The following HERC4 variants were observed in gnomAD, a reference collection of about 807,000 sequenced individuals.
HERC4 encodes the protein HECT and RLD domain containing E3 ubiquitin protein ligase 4, also known as probable E3 ubiquitin-protein ligase HERC4.
HERC4 carries 28 observed loss-of-function variants against 124.3 expected under a neutral mutation model. The observed-to-expected ratio is 0.23, with a 90% CI of 0.17 to 0.31. The LOEUF (loss-of-function observed/expected upper bound fraction) is 0.31. Ranked by LOEUF, HERC4 falls within the 10% of genes least tolerant of loss-of-function variation. The pLI, the probability that HERC4 is intolerant of heterozygous loss-of-function variation, is 1.00. For missense variants in HERC4, 713 were observed against 1,229.3 expected (o/e 0.58, Z 6.28); for synonymous variants, 407 against 421.5 (o/e 0.97, Z 0.42).
intron 21 of HERC4, 148 bp downstream of exon 21, chr10:67,939,440 T>C (rs918288006): frequency 1.6e-5 from 9 of 565,314 alleles, no homozygotes; most frequent in Non-Finnish European, 2.5e-5. Flanking sequence ...GTACTATGAC[T>C]AGCTAGCATG....
intron 5 of HERC4, among the ~76,000 whole-genome samples, chr10:68,037,739 T>C (rs771986691): frequency 6.6e-6 from 1 of 152,088 alleles, no homozygotes; most frequent in Non-Finnish European, 1.5e-5. Flanking sequence ...TAATCGAAGG[T>C]GTATAAGACC....
intron 16 of HERC4, among the ~76,000 whole-genome samples, chr10:67,959,976 G>T (rs1277365878): frequency 6.6e-6 from 1 of 152,182 alleles, no homozygotes; most frequent in African/African-American, 2.4e-5. Context: ...CATTGCCCTG[G>T]GTTACTAGGA....
At chr10:68,052,701 A>G (rs1034687084) in intron 3 of HERC4, among the ~76,000 whole-genome samples, 1 of 152,212 alleles carries the variant, frequency 6.6e-6, no homozygotes, top group African/African-American at 2.4e-5. Context: ...AAATTCATAT[A>G]GAGTATCATC....
rs1564606915 is a variant in HERC4, at chr10:68,059,484, T to TTATA, written c.226+13398_226+13399insTATA. ...AATAATATTATATATTATAATATTA[T>TTATA]ATATTATAACATTATATATTATAAT... is the stretch of plus-strand genomic sequence containing the variant. On this transcript the variant is annotated intron_variant, in intron 3 of 24. Coordinates refer to ENST00000373700, the MANE Select transcript of HERC4 (RefSeq NM_015601.4). Among the ~76,000 whole-genome samples the TTATA allele has an allele frequency of 3.9e-5, 5 of 128,746 alleles. No individual in the cohort carries two copies. In the East Asian group the frequency reaches 6.4e-4, roughly 16 times the overall value. 84.5% of individuals were successfully genotyped at this position (128,746 alleles called of 152,430 possible).
rs140022071 is a variant in HERC4, at chr10:68,028,998, C to A, written c.778-3322G>T. 2.6e-3 allele frequency among the ~76,000 whole-genome samples: 393 copies of A among 151,950 alleles called. 2 individuals are homozygous for A. Among genetic ancestry groups the A allele is most frequent in the African/African-American group, 9.1e-3 (375 of 41,432 alleles). ...CCAGCCTAGGCAATAAAGCGAGACA[C>A]CATCTCTACAAAAAATAAAAAATAA... is the stretch of plus-strand genomic sequence containing the variant. On this transcript the variant is annotated intron_variant, in intron 7 of 24. Transcript: ENST00000373700.
chr10:67,967,055 C>T (rs575315992), intron 15 of HERC4, among the ~76,000 whole-genome samples: 125 of 152,260 alleles, frequency 8.2e-4, no homozygotes, highest in Non-Finnish European at 1.4e-3. Flanking sequence ...GGAGTTTCAT[C>T]GTGTTAGCCA....
chr10:67,986,140 A>T (rs2132701795), intron 15 of HERC4, among the ~76,000 whole-genome samples: 1 of 152,312 alleles, frequency 6.6e-6, no homozygotes, highest in Non-Finnish European at 1.5e-5. Context: ...GCATAGAAGA[A>T]AGATAATTCA....
chr10:68,034,033 G>T lies in HERC4; in HGVS notation c.617C>A (p.Thr206Asn). 1.2e-6 allele frequency: 2 copies of T among 1,614,094 alleles called. No individual in the cohort carries two copies. The highest frequency in any genetic ancestry group is 1.1e-5 in the South Asian group (1 of 91,076). Residue 206 changes from threonine (T) to asparagine (N), a missense_variant, in exon 6 of 25, where the codon ACC (threonine) becomes AAC (asparagine). Thr to Asn is a moderately conservative substitution (Grantham distance 65, BLOSUM62 0). Coordinates refer to ENST00000373700, the MANE Select transcript of HERC4 (RefSeq NM_015601.4). ...CCATCCAAAGATAGCTCCAGAAAGG[G>T]TGAGTACAAAACTATGGGCTCCTCC... ...AAGGAHSFVL[T>N]LSGAIFGWGR... is the part of the protein sequence containing the mutation.
intron 3 of HERC4, among the ~76,000 whole-genome samples, chr10:68,061,532 CAAAAAAAAAAAAAAAA>C (rs59169970): frequency 1.4e-4 from 2 of 14,000 alleles, no homozygotes; most frequent in African/African-American, 2.6e-4. Flanking sequence ...GACTCCGTCT[CAAAAAAAAAAAAAAAA>C]AAAAAAAAAA....
At chr10:68,067,153 C>A (rs1314315945) in intron 3 of HERC4, 2 of 152,586 alleles carry the variant, frequency 1.3e-5, no homozygotes, top group South Asian at 2.1e-4. Flanking sequence ...AATTGTGTCA[C>A]AAGCATTTTG....
intron 8 of HERC4, among the ~76,000 whole-genome samples, chr10:68,020,164 A>G (rs566227178): frequency 6.6e-6 from 1 of 152,286 alleles, no homozygotes; most frequent in African/African-American, 2.4e-5. Context: ...AAAACCTACA[A>G]TGATCAAAAA....
At chr10:67,982,706 T>C (rs1484964611) in intron 15 of HERC4, among the ~76,000 whole-genome samples, 2 of 152,058 alleles carry the variant, frequency 1.3e-5, no homozygotes, top group African/African-American at 4.8e-5. Context: ...AAACTAATCA[T>C]CTGACAAGGG....
At chr10:68,042,133 A>G (rs2039801128) in intron 4 of HERC4, among the ~76,000 whole-genome samples, 1 of 152,170 alleles carries the variant, frequency 6.6e-6, no homozygotes, top group South Asian at 2.1e-4. Flanking sequence ...TCTCTGCCTC[A>G]GCCTCCTGAG....
intron 3 of HERC4, chr10:68,069,232 T>A (rs951532692): frequency 2.8e-5 from 27 of 955,902 alleles, no homozygotes; most frequent in Non-Finnish European, 3.2e-5. Context: ...AACAATTCAT[T>A]TAAATGGATT....
At chr10:68,054,811 T>C (rs1361694345) in intron 3 of HERC4, among the ~76,000 whole-genome samples, 1 of 152,158 alleles carries the variant, frequency 6.6e-6, no homozygotes, top group Non-Finnish European at 1.5e-5. Flanking sequence ...CAAAGGCTAC[T>C]TCACTCAAGG....
chr10:67,954,568 A>C, intron 19 of HERC4, 27 bp downstream of exon 19: 1 of 1,601,506 alleles, frequency 6.2e-7, no homozygotes, highest in Non-Finnish European at 8.5e-7. Flanking sequence ...TATACACAGA[A>C]GTAATTTAGA....
chr10:67,926,847 T>C (rs1227682671), intron 23 of HERC4, among the ~76,000 whole-genome samples: 1 of 152,246 alleles, frequency 6.6e-6, no homozygotes, highest in Non-Finnish European at 1.5e-5. Context: ...TCTTTTTCAC[T>C]GTATTAATTA....
chr10:67,929,499 T>C (rs1430307576), intron 23 of HERC4, among the ~76,000 whole-genome samples: 1 of 152,116 alleles, frequency 6.6e-6, no homozygotes, highest in African/African-American at 2.4e-5. Flanking sequence ...CTCAGATTCA[T>C]CCAGTTGTTG....
chr10:67,952,345 G>A (rs768561810), intron 19 of HERC4, among the ~76,000 whole-genome samples: 1 of 151,988 alleles, frequency 6.6e-6, no homozygotes, highest in Non-Finnish European at 1.5e-5. Context: ...GTGCAGTGGC[G>A]CGACCTTGGC....
Sources: gnomAD v4.1 joint callset for allele counts (sites outside exome capture counted in the v4.1 genomes callset) on GRCh38, gnomAD v4.1.1 for gene constraint, MANE v1.5 for transcripts, NCBI Gene and HGNC (gene_info 2026-07-23, HGNC 2026-07-21) for gene names.